The following IL1RAPL2 variants were observed in gnomAD, a reference collection of about 807,000 sequenced individuals.
IL1RAPL2 encodes X-linked interleukin-1 receptor accessory protein-like 2.
Under a neutral mutation model 44.1 loss-of-function variants are expected in IL1RAPL2, and 3 were observed. The ratio of observed to expected loss-of-function variants is 0.07; its 90% confidence interval spans 0.03 to 0.18. The LOEUF (loss-of-function observed/expected upper bound fraction) is 0.18. Ranked by LOEUF, IL1RAPL2 falls within the 10% of genes least tolerant of loss-of-function variation. The pLI, the probability that IL1RAPL2 is intolerant of heterozygous loss-of-function variation, is 1.00. For missense variants in IL1RAPL2, 391 were observed against 496.4 expected (o/e 0.79, Z 2.02); for synonymous variants, 181 against 178.8 (o/e 1.01, Z -0.10).
At position 105,767,558 on chromosome X, in the gene IL1RAPL2, T is replaced by C; in HGVS notation, c.1958T>C (p.Leu653Pro). Residue 653 changes from leucine (L) to proline (P), a missense_variant, in exon 11 of 11, where the codon CTA becomes CCA. Leu to Pro is a moderately conservative substitution (Grantham distance 98, BLOSUM62 -3). This residue lies in a region of IL1RAPL2 where 232 missense variants were observed against 244.8 expected (regional missense o/e 0.95). Coordinates refer to ENST00000372582, the MANE Select transcript of IL1RAPL2 (RefSeq NM_017416.2). ...NLPLTLLNGQ[L>P]PLNNTLKDTQ... ...CCTCTGACGCTACTCAACGGACAGCTACCCCTTAATAACACCCTGAAAGAT... is the reference window on the plus strand; with the variant it reads ...CCTCTGACGCTACTCAACGGACAGCCACCCCTTAATAACACCCTGAAAGAT... 8.3e-7 allele frequency: 1 copy of C among 1,209,830 alleles called. No homozygotes were observed. Among genetic ancestry groups the C allele is most frequent in the Non-Finnish European group, 1.1e-6 (1 of 893,857 alleles).
intron 2 of IL1RAPL2, among the ~76,000 whole-genome samples, chrX:105,135,555 GA>G (rs2033069320): frequency 8.9e-6 from 1 of 111,796 alleles, no homozygotes; most frequent in Admixed American, 9.5e-5. Context: ...TATGATGGTA[GA>G]ATGAGACTGG....
intron 2 of IL1RAPL2, among the ~76,000 whole-genome samples, chrX:104,783,587 G>T (rs1016714135): frequency 1.8e-5 from 2 of 110,104 alleles, no homozygotes; most frequent in African/African-American, 6.6e-5. Flanking sequence ...GTGGCTGCTG[G>T]TGGCTGTTTG....
intron 2 of IL1RAPL2, among the ~76,000 whole-genome samples, chrX:104,981,406 A>C (rs2147726442): frequency 9.0e-6 from 1 of 110,647 alleles, no homozygotes; most frequent in African/African-American, 3.3e-5. Context: ...GTATATAGAA[A>C]TGCTACCAAT....
At chrX:104,623,917 A>G (rs1173497403) in intron 1 of IL1RAPL2, among the ~76,000 whole-genome samples, 1 of 111,796 alleles carries the variant, frequency 8.9e-6, no homozygotes, top group Non-Finnish European at 1.9e-5. Flanking sequence ...GGAACAATTT[A>G]CCAAACAAGT....
At chrX:105,428,570 T>G (rs1442659789) in intron 5 of IL1RAPL2, among the ~76,000 whole-genome samples, 2 of 111,812 alleles carry the variant, frequency 1.8e-5, no homozygotes, top group Admixed American at 9.5e-5. Flanking sequence ...CACCTTCTTT[T>G]TGCATTTAGC....
At chrX:104,770,414 A>C (rs1254563578) in intron 2 of IL1RAPL2, among the ~76,000 whole-genome samples, 2 of 111,474 alleles carry the variant, frequency 1.8e-5, no homozygotes, top group Non-Finnish European at 3.8e-5. Context: ...AGCTTGATGT[A>C]ATGTTCATCA....
At chrX:105,047,908 G>A (rs1191618615) in intron 2 of IL1RAPL2, among the ~76,000 whole-genome samples, 1 of 111,704 alleles carries the variant, frequency 9.0e-6, no homozygotes, top group African/African-American at 3.3e-5. Context: ...CTGGGAGTCA[G>A]TAGATTGAGG....
chrX:104,642,157 C>A (rs1197425583), intron 1 of IL1RAPL2, among the ~76,000 whole-genome samples: 1 of 111,894 alleles, frequency 8.9e-6, no homozygotes, highest in Non-Finnish European at 1.9e-5. Context: ...CAGCCTACTT[C>A]TCTCCCTCTC....
intron 6 of IL1RAPL2, among the ~76,000 whole-genome samples, chrX:105,559,591 C>T (rs761686992): frequency 1.8e-5 from 2 of 112,007 alleles, no homozygotes; most frequent in East Asian, 5.6e-4. Context: ...CATGTGCTCA[C>T]AAACAGTATT....
Position 104,942,591 on chromosome X carries a change from T to G in IL1RAPL2, c.83-252884T>G, listed in dbSNP as rs748083988. On this transcript the variant is annotated intron_variant, in intron 2 of 10. Transcript: ENST00000372582. ...GTTGCTTATCAGCTTCAGGAGATTT[T>G]GGGCTTAAATGATGGGGTTTTCTAA... Among the ~76,000 whole-genome samples the G allele has an allele frequency of 3.6e-5, 4 of 111,922 alleles. No individual in the cohort carries two copies. The South Asian group carries it at 1.5e-3, about 42-fold the overall frequency.
intron 5 of IL1RAPL2, among the ~76,000 whole-genome samples, chrX:105,292,957 C>A (rs750581827): frequency 9.2e-6 from 1 of 109,135 alleles, no homozygotes; most frequent in South Asian, 4.0e-4. Flanking sequence ...ACTAAAAATA[C>A]AAAAATTATC....
chrX:105,693,098 C>A (rs1197195380), intron 6 of IL1RAPL2, among the ~76,000 whole-genome samples: 3 of 111,384 alleles, frequency 2.7e-5, no homozygotes, highest in Non-Finnish European at 5.6e-5. Flanking sequence ...AAAAGGGTAG[C>A]GTATTCTTCT....
chrX:105,221,411 C>CAAAA (rs782121555), intron 3 of IL1RAPL2, among the ~76,000 whole-genome samples: 1 of 62,939 alleles, frequency 1.6e-5, no homozygotes, highest in African/African-American at 5.9e-5. Flanking sequence ...AAACAACAAC[C>CAAAA]AAAAAAAAAA....
chrX:105,162,275 A>G (rs2033332738), intron 2 of IL1RAPL2, among the ~76,000 whole-genome samples: 1 of 112,120 alleles, frequency 8.9e-6, no homozygotes, highest in Admixed American at 9.5e-5. Context: ...GAAAACAAAA[A>G]GCCATGGGAA....
rs191946135 is a variant in IL1RAPL2 at position 105,102,028 on chromosome X, C to A, written c.83-93447C>A. ...TAGAAAAATTAAATATTTTAAAATG[C>A]GCAATGTGTGGAGTGTGGAGAGAGA... On this transcript the variant is annotated intron_variant, in intron 2 of 10. Coordinates refer to ENST00000372582, the MANE Select transcript of IL1RAPL2 (RefSeq NM_017416.2). Among the ~76,000 whole-genome samples the A allele has an allele frequency of 4.3e-3, 476 of 111,728 alleles. 1 individual carries two copies. Among genetic ancestry groups the A allele is most frequent in the Non-Finnish European group, 6.4e-3 (339 of 53,150 alleles).
intron 2 of IL1RAPL2, among the ~76,000 whole-genome samples, chrX:104,978,261 G>T (rs1188390210): frequency 1.8e-5 from 2 of 111,953 alleles, no homozygotes; most frequent in African/African-American, 6.5e-5. Context: ...CAAAATAGTG[G>T]TTACCTCATG....
Position 104,654,132 on chromosome X carries a change from T to G in IL1RAPL2, c.-19-4763T>G, listed in dbSNP as rs189513591. Among the ~76,000 whole-genome samples the G allele has an allele frequency of 3.2e-3, 355 of 111,088 alleles. 2 individuals are homozygous for G. The highest frequency in any genetic ancestry group is 5.0e-3 in the Non-Finnish European group (264 of 52,924). ...TTGGATGTGGAGATTTAATAACAGC[T>G]TGGTTCAATTCCTTACCCTTTTCAG... On this transcript the variant is annotated intron_variant, in intron 1 of 10. Transcript: ENST00000372582.
At chrX:105,196,384 A>T (rs1415771074) in intron 3 of IL1RAPL2, among the ~76,000 whole-genome samples, 1 of 111,966 alleles carries the variant, frequency 8.9e-6, no homozygotes, top group Non-Finnish European at 1.9e-5. Context: ...GCATACAGCT[A>T]GTTGACTCAA....
At chrX:104,703,890 T>C (rs969834406) in intron 2 of IL1RAPL2, among the ~76,000 whole-genome samples, 2 of 112,114 alleles carry the variant, frequency 1.8e-5, no homozygotes, top group African/African-American at 6.5e-5. Context: ...AGGATGTCAA[T>C]CTCATGAGAA....
Sources: gnomAD v4.1 joint callset for allele counts (sites outside exome capture counted in the v4.1 genomes callset) on GRCh38, gnomAD v4.1.1 for gene constraint, gnomAD v4.1.1 regional missense constraint, MANE v1.5 for transcripts, NCBI Gene and HGNC (gene_info 2026-07-23, HGNC 2026-07-21) for gene names.